Variants in ATF2 observed in about 807,000 individuals in gnomAD.
The protein encoded by ATF2 is activating transcription factor 2.
Under a neutral mutation model 60.6 loss-of-function variants are expected in ATF2, and 24 were observed. The ratio of observed to expected loss-of-function variants is 0.40; its 90% CI spans 0.29 to 0.56. The LOEUF is 0.56. ATF2 is among the 20% of genes least tolerant of loss of function. The pLI is 0.54. For missense variants in ATF2, 433 were observed against 607.7 expected, an observed-to-expected ratio of 0.71 and a Z score of 3.02; for synonymous variants, 206 against 215.4, an observed-to-expected ratio of 0.96 and a Z score of 0.38.
At chr2:175,123,182 A>G (rs910565990) in intron 4 of ATF2, among the ~76,000 whole-genome samples, 2 of 152,102 alleles carry the variant, frequency 1.3e-5, no homozygotes, top group Non-Finnish European at 2.9e-5. Flanking sequence ...TTTTGGAGAA[A>G]TAAGAAACAG....
chr2:175,082,383 A>G (rs1374994477), intron 12 of ATF2, among the ~76,000 whole-genome samples: 1 of 152,210 alleles, frequency 6.6e-6, no homozygotes, highest in African/African-American at 2.4e-5. Context: ...GTCATTTAGG[A>G]AACACCTTCT....
At chr2:175,167,726 G>A (rs1202877856) in intron 1 of ATF2, 2 of 484,554 alleles carry the variant, frequency 4.1e-6, no homozygotes, top group South Asian at 1.5e-5. Flanking sequence ...AAGATAATTC[G>A]GAGGGAGGGG....
chr2:175,139,024 G>A (rs1574461348), intron 2 of ATF2, among the ~76,000 whole-genome samples: 1 of 152,340 alleles, frequency 6.6e-6, no homozygotes, highest in East Asian at 1.9e-4. Context: ...TACAAGGGTA[G>A]TATCACCTAC....
intron 1 of ATF2, among the ~76,000 whole-genome samples, chr2:175,166,337 T>A (rs888002511): frequency 3.4e-4 from 52 of 152,204 alleles, no homozygotes; most frequent in African/African-American, 1.2e-3. Flanking sequence ...TGGAAGATTC[T>A]CAGAAACTCT....
At chr2:175,082,974 C>G (rs975227451) in intron 12 of ATF2, among the ~76,000 whole-genome samples, 2 of 152,074 alleles carry the variant, frequency 1.3e-5, no homozygotes, top group Admixed American at 1.3e-4. Context: ...GAACTACAAA[C>G]CACTGCTCAA....
intron 1 of ATF2, among the ~76,000 whole-genome samples, chr2:175,156,427 T>C (rs1017563458): frequency 1.7e-5 from 2 of 116,924 alleles, no homozygotes; most frequent in East Asian, 5.1e-4. Flanking sequence ...AAAAATAAGA[T>C]AGATTCCTGG....
chr2:175,139,107 G>A (rs1698327478), intron 2 of ATF2, among the ~76,000 whole-genome samples: 1 of 152,082 alleles, frequency 6.6e-6, no homozygotes, highest in African/African-American at 2.4e-5. Flanking sequence ...CATGAGTACT[G>A]GATAAAATGG....
At chr2:175,099,696 T>C (rs1193446049) in intron 10 of ATF2, among the ~76,000 whole-genome samples, 7 of 152,208 alleles carry the variant, frequency 4.6e-5, no homozygotes, top group Non-Finnish European at 1.0e-4. Context: ...TTAATGAGTT[T>C]TTAATTGTAT....
At chr2:175,093,729 A>G (rs1291740065) in intron 11 of ATF2, among the ~76,000 whole-genome samples, 1 of 152,154 alleles carries the variant, frequency 6.6e-6, no homozygotes, top group African/African-American at 2.4e-5. Flanking sequence ...AATATCTCAC[A>G]TTAAATGCCA....
intron 7 of ATF2, among the ~76,000 whole-genome samples, chr2:175,116,381 A>T (rs547076251): frequency 6.6e-6 from 1 of 152,226 alleles, no homozygotes; most frequent in South Asian, 2.1e-4. Flanking sequence ...TCTCAGCTAG[A>T]ACAACTAAAT....
intron 1 of ATF2, among the ~76,000 whole-genome samples, chr2:175,155,418 T>C (rs999589225): frequency 2.6e-5 from 4 of 152,230 alleles, no homozygotes; most frequent in African/African-American, 4.8e-5. Flanking sequence ...AGGCAAAGCA[T>C]AGCTTTAAGA....
chr2:175,126,004 C>T (rs1314450581), intron 4 of ATF2, among the ~76,000 whole-genome samples: 1 of 152,116 alleles, frequency 6.6e-6, no homozygotes, highest in East Asian at 1.9e-4. Context: ...CCTTTAGCTA[C>T]ACCTCCAAGA....
intron 1 of ATF2, among the ~76,000 whole-genome samples, chr2:175,151,379 C>T (rs1699302309): frequency 6.6e-6 from 1 of 152,100 alleles, no homozygotes; most frequent in Non-Finnish European, 1.5e-5. Context: ...CCTGTAGCCT[C>T]CCGTAACTCC....
At chr2:175,139,402 T>C (rs996651866) in intron 2 of ATF2, among the ~76,000 whole-genome samples, 16 of 152,180 alleles carry the variant, frequency 1.1e-4, no homozygotes, top group African/African-American at 3.6e-4. Flanking sequence ...CCAGGCGCAG[T>C]GGCTCACGCC....
intron 1 of ATF2, among the ~76,000 whole-genome samples, chr2:175,153,160 C>T (rs10192462): frequency 1.7e-3 from 266 of 152,268 alleles, no homozygotes; most frequent in African/African-American, 6.2e-3. Flanking sequence ...TGTCTTAACA[C>T]ATGCAATGTT....
chr2:175,074,527 C>G lies in ATF2; in HGVS notation c.*82G>C, dbSNP rs1693146947. On this transcript the variant is annotated 3_prime_UTR_variant, in exon 14 of 14. Coordinates refer to ENST00000264110, the MANE Select transcript of ATF2 (RefSeq NM_001880.4). ...AAAAAATTTACAACCACAGATTTCG[C>G]ATAAATGGAAACTGGTCTTTCCTTG... 1 of 1,452,944 alleles carries G rather than the reference C, an allele frequency of 6.9e-7. No individual in the cohort carries two copies. Among genetic ancestry groups the G allele is most frequent in the Non-Finnish European group, 9.2e-7 (1 of 1,091,130 alleles). 90.0% of individuals were successfully genotyped at this position (1,452,944 alleles called of 1,614,324 possible).
intron 10 of ATF2, among the ~76,000 whole-genome samples, chr2:175,110,328 C>T (rs1466853215): frequency 9.4e-6 from 1 of 106,720 alleles, no homozygotes; most frequent in African/African-American, 5.1e-5. Context: ...GAGCGAGACT[C>T]CATCTCAAAA....
chr2:175,120,284 A>G (rs1252460808), intron 5 of ATF2, among the ~76,000 whole-genome samples: 1 of 151,410 alleles, frequency 6.6e-6, no homozygotes, highest in East Asian at 1.9e-4. Flanking sequence ...CTTAATGTCT[A>G]ATGTAAAATA....
chr2:175,120,377 G>A (rs1394227644), intron 5 of ATF2, among the ~76,000 whole-genome samples: 2 of 150,494 alleles, frequency 1.3e-5, no homozygotes, highest in African/African-American at 4.9e-5. Flanking sequence ...GTTAGGATAT[G>A]TTGGAAGTTC....
Sources: allele counts gnomAD v4.1 joint callset (sites outside exome capture counted in the v4.1 genomes callset), GRCh38; gene constraint gnomAD v4.1.1; transcripts MANE v1.5; gene names NCBI Gene and HGNC (gene_info 2026-07-23, HGNC 2026-07-21).